Variants in NFATC1 observed in about 807,000 individuals in gnomAD.
NFATC1 encodes nuclear factor of activated T-cells, cytoplasmic 1.
In NFATC1, 22 loss-of-function variants were observed where a neutral mutation model predicts 76.0. That is an observed-to-expected ratio of 0.29 (90% CI 0.21 to 0.41). The LOEUF (loss-of-function observed/expected upper bound fraction) is 0.41, where lower values mean the gene tolerates loss of function less well. Ranked by LOEUF, NFATC1 falls within the 10% of genes least tolerant of loss-of-function variation. The pLI, the probability that NFATC1 is intolerant of heterozygous loss-of-function variation, is 1.00. For missense variants in NFATC1, 1,357 were observed against 1,337.7 expected, an observed-to-expected ratio of 1.01 and a Z score of -0.23; for synonymous variants, 704 against 613.1, an observed-to-expected ratio of 1.15 and a Z score of -2.19.
intron 9 of NFATC1, among the ~76,000 whole-genome samples, chr18:79,494,182 G>A (rs186749292): frequency 3.9e-5 from 6 of 152,226 alleles, no homozygotes; most frequent in Non-Finnish European, 7.4e-5. Context: ...GACCGCGAGG[G>A]ACAGTGAGAA....
intron 9 of NFATC1, chr18:79,496,209 C>T (rs1005017876): frequency 3.9e-5 from 6 of 152,678 alleles, no homozygotes; most frequent in African/African-American, 1.4e-4. Context: ...CTCCTACCGC[C>T]ATACGTTTTC....
chr18:79,491,535 G>A (rs191865184), intron 9 of NFATC1, among the ~76,000 whole-genome samples: 15 of 152,332 alleles, frequency 9.8e-5, no homozygotes, highest in Admixed American at 1.3e-4. Context: ...TAAATGGGCC[G>A]ATCGGACACA....
Position 79,427,471 on chromosome 18 carries a change from GCTGTACCACT to G in NFATC1, c.1227-6107_1227-6098del, listed in dbSNP as rs1568948184. The stretch of plus-strand genomic sequence containing the variant: ...GCTGGCCTCTGTGCGGTGGGTGGGG[GCTGTACCACT>G]GGCCTCTGTGCGGTGGGTCGGGGGA... On this transcript the variant is annotated intron_variant, in intron 2 of 9. Coordinates refer to ENST00000427363, the MANE Select transcript of NFATC1 (RefSeq NM_001278669.2). Among the ~76,000 whole-genome samples the G allele has an allele frequency of 1.8e-3, 154 of 84,448 alleles. 12 individuals carry two copies. The highest frequency in any genetic ancestry group is 6.8e-3 in the Middle Eastern group (1 of 146). The allele number at this position is 84,448 out of a possible 152,430, so 55.4% of individuals were successfully genotyped here.
At chr18:79,469,539 C>T in intron 8 of NFATC1, 1 of 986,016 alleles carries the variant, frequency 1.0e-6, no homozygotes, top group Non-Finnish European at 1.2e-6. Context: ...CCTGTCCTAC[C>T]AGCCACACTC....
At chr18:79,495,609 T>C (rs2089858468) in intron 9 of NFATC1, among the ~76,000 whole-genome samples, 3 of 152,194 alleles carry the variant, frequency 2.0e-5, no homozygotes, top group African/African-American at 7.2e-5. Context: ...TGAGCACTGT[T>C]TAGATCTATT....
chr18:79,429,550 C>T (rs978104867), intron 2 of NFATC1, among the ~76,000 whole-genome samples: 3 of 152,150 alleles, frequency 2.0e-5, no homozygotes, highest in Non-Finnish European at 4.4e-5. Context: ...CTGCCCGAGG[C>T]TGCCCCAGGC....
intron 9 of NFATC1, among the ~76,000 whole-genome samples, chr18:79,490,298 C>G (rs2089640143): frequency 6.7e-6 from 1 of 149,810 alleles, no homozygotes; most frequent in African/African-American, 2.5e-5. Context: ...AGGCCCCGCT[C>G]TGGGTTAGGA....
At chr18:79,415,482 C>G (rs914049324) in intron 2 of NFATC1, among the ~76,000 whole-genome samples, 1 of 151,746 alleles carries the variant, frequency 6.6e-6, no homozygotes, top group Non-Finnish European at 1.5e-5. Flanking sequence ...TGGGGTTTCA[C>G]CATGTTAGCC....
At chr18:79,396,829 G>A (rs1194241192) in intron 1 of NFATC1, among the ~76,000 whole-genome samples, 4 of 149,534 alleles carry the variant, frequency 2.7e-5, no homozygotes, top group Non-Finnish European at 1.5e-5. Context: ...TCGTGGCGGC[G>A]TCTCCCTCGC....
At chr18:79,480,825 A>G (rs1403261248) in intron 8 of NFATC1, among the ~76,000 whole-genome samples, 1 of 152,194 alleles carries the variant, frequency 6.6e-6, no homozygotes, top group Non-Finnish European at 1.5e-5. Context: ...GACACTTCAC[A>G]GAAGAGGCGC....
chr18:79,450,863 T>A, intron 4 of NFATC1, 91 bp from the exon 5 acceptor site: 1 of 1,486,966 alleles, frequency 6.7e-7, no homozygotes, highest in Admixed American at 2.1e-5. Flanking sequence ...CTCGTGGGGC[T>A]GGGATGAGGG....
At chr18:79,520,219 C>T (rs551038580) in intron 9 of NFATC1, among the ~76,000 whole-genome samples, 12 of 152,282 alleles carry the variant, frequency 7.9e-5, no homozygotes, top group African/African-American at 2.4e-4. Flanking sequence ...GCTGCGCTGC[C>T]GGGAGGTCCG....
At chr18:79,467,335 G>A (rs1430344165) in intron 7 of NFATC1, 115 bp from the exon 8 acceptor site, 3 of 1,019,070 alleles carry the variant, frequency 2.9e-6, no homozygotes, top group Admixed American at 2.5e-5. Context: ...CCGTGGAAAC[G>A]CGGGGTTGCC....
chr18:79,482,686 T>G (rs1297207363), intron 8 of NFATC1, among the ~76,000 whole-genome samples: 1 of 120,770 alleles, frequency 8.3e-6, no homozygotes. Context: ...TGGGGTGTAA[T>G]TCCAGCATGA....
intron 3 of NFATC1, among the ~76,000 whole-genome samples, chr18:79,437,837 T>C (rs2086836249): frequency 6.6e-6 from 1 of 152,204 alleles, no homozygotes; most frequent in Non-Finnish European, 1.5e-5. Flanking sequence ...CTTTTCTCCT[T>C]GTCTCACCTC....
At position 79,451,112 on chromosome 18, in the gene NFATC1, A is replaced by T; in HGVS notation, c.1748A>T (p.Asn583Ile). Residue 583 changes from asparagine (N) to isoleucine (I), a missense_variant, in exon 5 of 10, where the codon AAC becomes ATC. Transcript: ENST00000427363. The part of the protein sequence containing the change: ...GRTLSLQVAS[N>I]PIECSQRSAQ... Reference sequence around the variant, plus strand: ...ACGCTGTCCCTGCAGGTGGCCTCCAACCCCATCGAATGCTGTAAGTGGACG... The same window carrying T: ...ACGCTGTCCCTGCAGGTGGCCTCCATCCCCATCGAATGCTGTAAGTGGACG... 6.2e-7 allele frequency: 1 copy of T among 1,611,030 alleles called. No individual in the cohort carries two copies. Among genetic ancestry groups the T allele is most frequent in the Non-Finnish European group, 8.5e-7 (1 of 1,178,300 alleles).
chr18:79,402,993 G>A (rs973076466), intron 1 of NFATC1, among the ~76,000 whole-genome samples: 2 of 152,262 alleles, frequency 1.3e-5, no homozygotes, highest in East Asian at 1.9e-4. Flanking sequence ...AGCACAGAAA[G>A]TCAAGCTTTG....
chr18:79,511,989 G>A (rs2090265480), intron 9 of NFATC1, among the ~76,000 whole-genome samples: 1 of 152,126 alleles, frequency 6.6e-6, no homozygotes, highest in Admixed American at 6.5e-5. Flanking sequence ...TGAGACGTCC[G>A]CAGCCATCCC....
chr18:79,491,466 CAGG>C (rs1485641134), intron 9 of NFATC1, among the ~76,000 whole-genome samples: 1 of 152,184 alleles, frequency 6.6e-6, no homozygotes, highest in Non-Finnish European at 1.5e-5. Context: ...TTGGAGGAAA[CAGG>C]AGAGAAGTAA....
Sources: gnomAD v4.1 joint callset for allele counts (sites outside exome capture counted in the v4.1 genomes callset) on GRCh38, gnomAD v4.1.1 for gene constraint, MANE v1.5 for transcripts, NCBI Gene and HGNC (gene_info 2026-07-23, HGNC 2026-07-21) for gene names.